UIMC1: variants seen among roughly 807,000 people sequenced by gnomAD.
UIMC1 encodes ubiquitin interaction motif containing 1.
In UIMC1, 42 loss-of-function variants were observed where a neutral mutation model predicts 84.9. The observed-to-expected ratio is 0.49, with a 90% CI of 0.39 to 0.64. UIMC1 has a LOEUF of 0.64. Ranked by LOEUF, UIMC1 falls within the 30% of genes least tolerant of loss-of-function variation. The probability of loss-of-function intolerance (pLI) is 0.00; values close to 1 mark genes in which losing one functional copy is unlikely to be tolerated. For missense variants in UIMC1, 825 were observed against 847.6 expected (o/e 0.97, Z 0.33); for synonymous variants, 281 against 293.0 (o/e 0.96, Z 0.42).
intron 8 of UIMC1, among the ~76,000 whole-genome samples, chr5:176,953,489 G>GACACAC (rs1347190087): frequency 3.5e-4 from 29 of 82,628 alleles, no homozygotes; most frequent in African/African-American, 2.2e-3. Flanking sequence ...TTGAAAACTG[G>GACACAC]ACACATACAC....
chr5:176,964,046 C>T (rs1280319636), intron 6 of UIMC1, among the ~76,000 whole-genome samples: 1 of 152,146 alleles, frequency 6.6e-6, no homozygotes, highest in Non-Finnish European at 1.5e-5. Context: ...GCTTTAATAA[C>T]CTTAATATAG....
At chr5:177,021,118 A>AAAAGG (rs1368763067) in intron 1 of UIMC1, among the ~76,000 whole-genome samples, 1 of 152,088 alleles carries the variant, frequency 6.6e-6, no homozygotes, top group African/African-American at 2.4e-5. Flanking sequence ...TCTCTACCAA[A>AAAAGG]AATATAAAAA....
Position 176,908,563 on chromosome 5 carries a change from G to A in UIMC1, c.1808C>T (p.Thr603Ile), listed in dbSNP as rs1561704762. Residue 603 changes from threonine to isoleucine, a missense_variant, in exon 12 of 15, where the codon ACT (threonine) becomes ATT (isoleucine). Physicochemically the swap from Thr to Ile is moderately conservative, Grantham distance 89. Coordinates refer to ENST00000511320, the MANE Select transcript of UIMC1 (RefSeq NM_001199298.2). The stretch of plus-strand genomic sequence containing the variant: ...CCTCTGCTGCCACTTCCCCTCCACA[G>A]TTGAACATGCTCTTCCACTCCCTTC... ...GPEGSGRACS[T>I]VEGKWQQRLK... 1 of 1,613,944 alleles carries A rather than the reference G, an allele frequency of 6.2e-7. No homozygotes were observed. The highest frequency in any genetic ancestry group is 8.5e-7 in the Non-Finnish European group (1 of 1,179,994).
intron 2 of UIMC1, among the ~76,000 whole-genome samples, chr5:176,979,229 T>C (rs1294821897): frequency 6.6e-6 from 1 of 152,232 alleles, no homozygotes; most frequent in Non-Finnish European, 1.5e-5. Context: ...ACTTAGTTTT[T>C]CAAAATATAC....
intron 1 of UIMC1, among the ~76,000 whole-genome samples, chr5:176,984,080 TCTGGGAAGTGAGGAGTGCCTCTGC>T (rs1456425679): frequency 5.8e-4 from 62 of 106,818 alleles, no homozygotes; most frequent in African/African-American, 2.3e-3. Context: ...GGCCGCCCCG[TCTGGGAAGTGAGGAGTGCCTCTGC>T]CCGGCCGCCC....
intron 10 of UIMC1, among the ~76,000 whole-genome samples, chr5:176,924,269 G>C (rs1185674404): frequency 6.6e-6 from 1 of 151,524 alleles, no homozygotes; most frequent in African/African-American, 2.4e-5. Flanking sequence ...AGTGAGCCGA[G>C]ATCGTACCAC....
At chr5:176,952,769 C>A (rs899779971) in intron 8 of UIMC1, among the ~76,000 whole-genome samples, 2 of 152,046 alleles carry the variant, frequency 1.3e-5, no homozygotes, top group African/African-American at 4.8e-5. Flanking sequence ...TGCACTCCAG[C>A]CTGAGTTACA....
At chr5:177,013,692 G>C (rs1425328495) in intron 1 of UIMC1, among the ~76,000 whole-genome samples, 1 of 152,144 alleles carries the variant, frequency 6.6e-6, no homozygotes, top group Non-Finnish European at 1.5e-5. Context: ...AGCAACCAAT[G>C]CTTCTCAAAC....
chr5:177,005,496 TCAG>T (rs1386889145), intron 1 of UIMC1, among the ~76,000 whole-genome samples: 2 of 151,934 alleles, frequency 1.3e-5, no homozygotes, highest in Non-Finnish European at 2.9e-5. Flanking sequence ...CAGTTTATAT[TCAG>T]CCTCAGTTTA....
intron 2 of UIMC1, among the ~76,000 whole-genome samples, chr5:176,977,881 A>G (rs1192077480): frequency 6.6e-6 from 1 of 152,076 alleles, no homozygotes; most frequent in East Asian, 1.9e-4. Flanking sequence ...ATTGCACTCC[A>G]GCTTGGGCAA....
intron 10 of UIMC1, among the ~76,000 whole-genome samples, chr5:176,937,836 C>G (rs951499706): frequency 6.6e-6 from 1 of 152,128 alleles, no homozygotes; most frequent in African/African-American, 2.4e-5. Context: ...GTTACGTCCT[C>G]TCTTATTCCA....
intron 1 of UIMC1, among the ~76,000 whole-genome samples, chr5:176,998,129 A>C (rs1349398589): frequency 1.3e-5 from 2 of 152,084 alleles, no homozygotes; most frequent in South Asian, 2.1e-4. Context: ...AGCCTTAAGG[A>C]AGGCAAGGAA....
chr5:176,986,657 A>G (rs767553199), intron 1 of UIMC1, among the ~76,000 whole-genome samples: 20 of 152,014 alleles, frequency 1.3e-4, no homozygotes, highest in Non-Finnish European at 2.8e-4. Context: ...CCTCATCAAC[A>G]TAGCAAGACC....
At chr5:176,994,252 C>G (rs6878297) in intron 1 of UIMC1, among the ~76,000 whole-genome samples, 4,867 of 151,440 alleles carry the variant, frequency 0.032, 290 homozygotes, top group African/African-American at 0.11. Flanking sequence ...AAGAAGCAAG[C>G]GATATTAACA....
intron 10 of UIMC1, among the ~76,000 whole-genome samples, chr5:176,937,386 T>G (rs1176489638): frequency 6.6e-6 from 1 of 152,048 alleles, no homozygotes; most frequent in African/African-American, 2.4e-5. Context: ...TCCCAGCTAC[T>G]CGGGAGACTG....
intron 10 of UIMC1, among the ~76,000 whole-genome samples, chr5:176,936,359 C>T (rs998957329): frequency 7.9e-5 from 12 of 152,194 alleles, no homozygotes; most frequent in African/African-American, 2.7e-4. Context: ...CTGCCTAGTT[C>T]TAAAACTGAC....
intron 10 of UIMC1, among the ~76,000 whole-genome samples, chr5:176,913,813 AC>A (rs910769025): frequency 6.6e-6 from 1 of 152,192 alleles, no homozygotes; most frequent in African/African-American, 2.4e-5. Flanking sequence ...CCCCGTCTCT[AC>A]AAAAAATATA....
intron 9 of UIMC1, among the ~76,000 whole-genome samples, chr5:176,951,050 T>C (rs577365964): frequency 1.3e-5 from 2 of 152,340 alleles, no homozygotes; most frequent in East Asian, 3.9e-4. Context: ...AAATTAGGGC[T>C]GGAAGTTATG....
At chr5:177,020,648 G>C (rs976621462) in intron 1 of UIMC1, among the ~76,000 whole-genome samples, 2 of 152,074 alleles carry the variant, frequency 1.3e-5, no homozygotes, top group Non-Finnish European at 2.9e-5. Context: ...AGCCAGGATG[G>C]TCTTGATCTT....
Sources: gnomAD v4.1 joint callset for allele counts (sites outside exome capture counted in the v4.1 genomes callset) on GRCh38, gnomAD v4.1.1 for gene constraint, MANE v1.5 for transcripts, NCBI Gene and HGNC (gene_info 2026-07-23, HGNC 2026-07-21) for gene names.